Variants in FSTL5 observed in about 807,000 individuals in gnomAD.
FSTL5 encodes follistatin-related protein 5.
A neutral mutation model predicts 89.1 loss-of-function variants in FSTL5; 62 were observed. The observed-to-expected ratio is 0.70, with a 90% CI of 0.57 to 0.86. The LOEUF (loss-of-function observed/expected upper bound fraction) is 0.86. Among genes scored for constraint, FSTL5 ranks in the 40% least tolerant of loss-of-function variants. The probability of loss-of-function intolerance (pLI) is 0.00; values close to 1 mark genes in which losing one functional copy is unlikely to be tolerated. For synonymous variants in FSTL5, 383 were observed against 346.2 expected (o/e 1.11, Z -1.18); for missense variants, 1,057 against 1,001.6 (o/e 1.06, Z -0.75).
chr4:162,070,682 G>A (rs10020745), intron 2 of FSTL5, among the ~76,000 whole-genome samples: 11 of 151,700 alleles, frequency 7.3e-5, no homozygotes, highest in Non-Finnish European at 1.2e-4. Context: ...TAAGGGAATC[G>A]CTGAAAGATT....
chr4:161,642,397 A>C (rs1434696232), intron 7 of FSTL5, among the ~76,000 whole-genome samples: 1 of 152,198 alleles, frequency 6.6e-6, no homozygotes, highest in Non-Finnish European at 1.5e-5. Context: ...TCAAAAGACA[A>C]ATATTGGCAA....
chr4:161,643,071 A>AT (rs1289812352), intron 7 of FSTL5, among the ~76,000 whole-genome samples: 1 of 152,136 alleles, frequency 6.6e-6, no homozygotes, highest in African/African-American at 2.4e-5. Context: ...ATGAGTTAAT[A>AT]TTTTTTTAAA....
intron 4 of FSTL5, among the ~76,000 whole-genome samples, chr4:161,780,287 G>T (rs927438428): frequency 2.0e-5 from 3 of 151,722 alleles, no homozygotes; most frequent in Non-Finnish European, 2.9e-5. Context: ...TAGAAATTGT[G>T]CCCCCTCCCC....
At chr4:161,922,498 A>G (rs1734019959) in intron 3 of FSTL5, among the ~76,000 whole-genome samples, 1 of 151,934 alleles carries the variant, frequency 6.6e-6, no homozygotes, top group African/African-American at 2.4e-5. Flanking sequence ...GCTTACAATC[A>G]CCCAGAGAAG....
chr4:161,639,082 C>G (rs909241633), intron 7 of FSTL5, among the ~76,000 whole-genome samples: 3 of 151,864 alleles, frequency 2.0e-5, no homozygotes, highest in African/African-American at 7.3e-5. Context: ...CCTTTGAAAA[C>G]TGGCACAAGA....
At chr4:161,961,935 T>TA (rs1735190218) in intron 3 of FSTL5, among the ~76,000 whole-genome samples, 1 of 151,734 alleles carries the variant, frequency 6.6e-6, no homozygotes, top group Non-Finnish European at 1.5e-5. Context: ...CTCAAATGGA[T>TA]AAATCTATGT....
intron 4 of FSTL5, among the ~76,000 whole-genome samples, chr4:161,881,595 C>A (rs2126911257): frequency 6.6e-6 from 1 of 152,202 alleles, no homozygotes. Flanking sequence ...TTTCTCCTAA[C>A]AGTCAGCATT....
chr4:161,549,697 AAGTTT>A lies in FSTL5; in HGVS notation c.1016-7009_1016-7005del, dbSNP rs1732133910. Among the ~76,000 whole-genome samples, 5 of 152,080 alleles carry A rather than the reference AAGTTT, an allele frequency of 3.3e-5. No individual in the cohort carries two copies. In the South Asian group the frequency reaches 1.0e-3, roughly 31 times the overall value. On this transcript the variant is annotated intron_variant, in intron 8 of 15. Coordinates refer to ENST00000306100, the MANE Select transcript of FSTL5 (RefSeq NM_020116.5). ...GGAGATATCAAAAGACAGGACATAAAAGTTTTGTTCACTTGGACCATTTGCTCTCC... is the reference window on the plus strand; with the variant it reads ...GGAGATATCAAAAGACAGGACATAAATGTTCACTTGGACCATTTGCTCTCC...
At chr4:161,922,476 G>A (rs1422578352) in intron 3 of FSTL5, among the ~76,000 whole-genome samples, 1 of 151,860 alleles carries the variant, frequency 6.6e-6, no homozygotes, top group African/African-American at 2.4e-5. Flanking sequence ...AGTAGTTCTT[G>A]AATTTTGGCA....
At chr4:161,994,889 A>C (rs917565499) in intron 3 of FSTL5, among the ~76,000 whole-genome samples, 3 of 152,292 alleles carry the variant, frequency 2.0e-5, no homozygotes, top group Admixed American at 6.5e-5. Context: ...AAATTTAATT[A>C]GATCCCATTT....
At chr4:161,847,551 G>C (rs1337105206) in intron 4 of FSTL5, among the ~76,000 whole-genome samples, 1 of 152,124 alleles carries the variant, frequency 6.6e-6, no homozygotes, top group Non-Finnish European at 1.5e-5. Flanking sequence ...GGCACCTTTA[G>C]AGTCACTTGT....
In FSTL5 at chr4:161,940,349, A is replaced by AG. The variant is rs546437196; in HGVS notation, c.161-19698dup. 1.1e-4 allele frequency among the ~76,000 whole-genome samples: 16 copies of AG among 151,928 alleles called. No homozygotes were observed. In the East Asian group the frequency reaches 2.9e-3, roughly 28 times the overall value. On this transcript the variant is annotated intron_variant, in intron 3 of 15. Coordinates refer to ENST00000306100, the MANE Select transcript of FSTL5 (RefSeq NM_020116.5). ...TAACAGTAGTCCCAGAAGAGGAGAG[A>AG]GAAAAAAAGAAGGAAAATATTTGAA...
rs199684024 is a variant in FSTL5 at position 161,455,083 on chromosome 4, T to A, written c.1762A>T (p.Thr588Ser). ...TCAAATTGCTTTCCCACTGGTTGGG[T>A]GTGGATCGTGTGGTGAGGCACATTC... ...SGNVPHHTIH[T>S]QPVGKQFDRV... The change falls in exon 15 of 16, where the codon ACC becomes TCC. Residue 588 changes from threonine (T) to serine (S), a missense_variant. Coordinates refer to ENST00000306100, the MANE Select transcript of FSTL5 (RefSeq NM_020116.5). 6.2e-7 allele frequency: 1 copy of A among 1,613,070 alleles called. No homozygotes were observed. The highest frequency in any genetic ancestry group is 2.2e-5 in the East Asian group (1 of 44,782).
intron 15 of FSTL5, among the ~76,000 whole-genome samples, chr4:161,450,759 T>G (rs1174641742): frequency 6.6e-6 from 1 of 151,106 alleles, no homozygotes; most frequent in Non-Finnish European, 1.5e-5. Context: ...TTTTTTTTTT[T>G]TGAGACAGAG....
intron 6 of FSTL5, among the ~76,000 whole-genome samples, chr4:161,700,639 A>G (rs1380321133): frequency 6.6e-6 from 1 of 152,104 alleles, no homozygotes; most frequent in African/African-American, 2.4e-5. Context: ...GGCCTCCCAA[A>G]GTGCTGGGAT....
intron 6 of FSTL5, among the ~76,000 whole-genome samples, chr4:161,734,917 G>A (rs576361342): frequency 6.6e-6 from 1 of 152,016 alleles, no homozygotes; most frequent in Admixed American, 6.6e-5. Context: ...CACCAAGAGA[G>A]CAAGCAACTC....
At chr4:161,616,350 G>A (rs1286455145) in intron 7 of FSTL5, among the ~76,000 whole-genome samples, 1 of 152,118 alleles carries the variant, frequency 6.6e-6, no homozygotes, top group East Asian at 1.9e-4. Flanking sequence ...CTCCCAAAGT[G>A]CTGAGGAACG....
chr4:161,697,529 A>G (rs1738211805), intron 6 of FSTL5, among the ~76,000 whole-genome samples: 1 of 152,238 alleles, frequency 6.6e-6, no homozygotes, highest in South Asian at 2.1e-4. Flanking sequence ...ATGGAATAAC[A>G]TATCAAAGAG....
chr4:162,151,903 A>G (rs1733239389), intron 1 of FSTL5, among the ~76,000 whole-genome samples: 1 of 152,202 alleles, frequency 6.6e-6, no homozygotes, highest in Non-Finnish European at 1.5e-5. Flanking sequence ...CAGAATCAGA[A>G]TATTCTTAAT....
Sources: gnomAD v4.1 joint callset for allele counts (sites outside exome capture counted in the v4.1 genomes callset) on GRCh38, gnomAD v4.1.1 for gene constraint, MANE v1.5 for transcripts, NCBI Gene and HGNC (gene_info 2026-07-23, HGNC 2026-07-21) for gene names.